The following RHOA variants were observed in gnomAD, a reference collection of about 807,000 sequenced individuals.
The protein encoded by RHOA is ras homolog family member A, also known as transforming protein RhoA.
In RHOA, 3 loss-of-function variants were observed where a neutral mutation model predicts 17.5. That is an observed-to-expected ratio of 0.17 (90% CI 0.08 to 0.44). RHOA has a LOEUF of 0.44. Ranked by LOEUF, RHOA falls within the 20% of genes least tolerant of loss-of-function variation. The pLI is 0.99. For synonymous variants in RHOA, 98 were observed against 88.4 expected (o/e 1.11, Z -0.61); for missense variants, 56 against 242.3 (o/e 0.23, Z 5.10).
intron 1 of RHOA, among the ~76,000 whole-genome samples, chr3:49,402,532 G>A: frequency 6.6e-6 from 1 of 151,750 alleles, no homozygotes; most frequent in Non-Finnish European, 1.5e-5. Flanking sequence ...TAATTAACTA[G>A]GTATGGTGGT....
intron 1 of RHOA, among the ~76,000 whole-genome samples, chr3:49,408,252 ATATATATACGTATACACG>A (rs1375687585): frequency 9.2e-5 from 12 of 131,102 alleles, no homozygotes; most frequent in East Asian, 8.7e-4. Flanking sequence ...ATATGTACAC[ATATATATACGTATACACG>A]TATATACGTA....
chr3:49,381,057 TAAG>T (rs1371706857), intron 1 of RHOA, among the ~76,000 whole-genome samples: 2 of 151,282 alleles, frequency 1.3e-5, no homozygotes, highest in African/African-American at 4.9e-5. Flanking sequence ...GAAAGCACAA[TAAG>T]AAGCATATCG....
chr3:49,394,301 G>C (rs1259625231), intron 1 of RHOA, among the ~76,000 whole-genome samples: 3 of 152,086 alleles, frequency 2.0e-5, no homozygotes, highest in Admixed American at 6.6e-5. Context: ...ACTGCATCCA[G>C]CTCCTTGTCT....
intron 1 of RHOA, among the ~76,000 whole-genome samples, chr3:49,393,533 AGCGATCTACCT>A (rs1451962941): frequency 3.1e-4 from 47 of 151,404 alleles, no homozygotes; most frequent in African/African-American, 1.1e-3. Flanking sequence ...CCTGGGATCA[AGCGATCTACCT>A]GCCTTGGCCT....
rs970978936 is a variant in RHOA at position 49,367,253 on chromosome 3, G to A, written c.277+1175C>T. Among the ~76,000 whole-genome samples, 5 of 146,016 alleles carry A rather than the reference G, an allele frequency of 3.4e-5. No homozygotes were observed. In the South Asian group the frequency reaches 9.0e-4, roughly 26 times the overall value. ...AGCTACTTGGGTGGCTGAGGCAGGA[G>A]AATGGCATCAACCCAGGAGGCAGAG... On this transcript the variant is annotated intron_variant, in intron 3 of 4. Coordinates refer to ENST00000418115, the MANE Select transcript of RHOA (RefSeq NM_001664.4).
chr3:49,390,064 G>C (rs2048470516), intron 1 of RHOA, among the ~76,000 whole-genome samples: 1 of 151,840 alleles, frequency 6.6e-6, no homozygotes, highest in South Asian at 2.1e-4. Context: ...CTCCTTTATT[G>C]GCGGGTCCCC....
intron 4 of RHOA, among the ~76,000 whole-genome samples, chr3:49,361,900 A>G (rs915496954): frequency 4.0e-5 from 6 of 148,618 alleles, no homozygotes; most frequent in Non-Finnish European, 8.9e-5. Flanking sequence ...TAAAGAGTCT[A>G]ACAGAGGCCA....
At chr3:49,388,677 T>C (rs1308818855) in intron 1 of RHOA, among the ~76,000 whole-genome samples, 1 of 152,228 alleles carries the variant, frequency 6.6e-6, no homozygotes, top group African/African-American at 2.4e-5. Flanking sequence ...GACAACTTCC[T>C]GAAGGCCTTC....
chr3:49,364,843 A>C (rs2048028744), intron 3 of RHOA, among the ~76,000 whole-genome samples: 1 of 151,600 alleles, frequency 6.6e-6, no homozygotes, highest in Non-Finnish European at 1.5e-5. Context: ...ATGGTGGTGC[A>C]TGCCTGTAAT....
At chr3:49,403,516 A>G (rs1228489076) in intron 1 of RHOA, among the ~76,000 whole-genome samples, 1 of 151,744 alleles carries the variant, frequency 6.6e-6, no homozygotes, top group Non-Finnish European at 1.5e-5. Flanking sequence ...GGAGTTCAAG[A>G]CCAGTCTGAG....
At chr3:49,387,034 T>C (rs559226010) in intron 1 of RHOA, among the ~76,000 whole-genome samples, 2 of 137,900 alleles carry the variant, frequency 1.5e-5, no homozygotes, top group South Asian at 2.3e-4. Flanking sequence ...GGAGAACCGC[T>C]TGAACCTGGG....
intron 3 of RHOA, among the ~76,000 whole-genome samples, chr3:49,363,199 A>ACC (rs1418239301): frequency 1.3e-5 from 2 of 151,736 alleles, no homozygotes; most frequent in East Asian, 2.0e-4. Context: ...TGGGCGGATC[A>ACC]TGAGGTCAGG....
At chr3:49,399,447 C>T (rs2048682937) in intron 1 of RHOA, among the ~76,000 whole-genome samples, 1 of 151,900 alleles carries the variant, frequency 6.6e-6, no homozygotes, top group African/African-American at 2.4e-5. Context: ...CCAAATATGT[C>T]ATATGCTATC....
At chr3:49,406,374 T>C (rs1215346241) in intron 1 of RHOA, among the ~76,000 whole-genome samples, 3 of 152,332 alleles carry the variant, frequency 2.0e-5, no homozygotes, top group Admixed American at 6.5e-5. Flanking sequence ...TAAAAATGTA[T>C]ACATAACAAA....
rs2048879699 is a variant in RHOA at position 49,408,667 on chromosome 3, T to TATAC, written c.-3+3152_-3+3153insGTAT. Among the ~76,000 whole-genome samples the TATAC allele has an allele frequency of 2.6e-5, 4 of 152,102 alleles. No individual in the cohort carries two copies. The South Asian group carries it at 6.2e-4, about 24-fold the overall frequency. The stretch of plus-strand genomic sequence containing the variant: ...GCATGTCCCCAAAGAGCCCCATGTA[T>TATAC]AGCAAGGCATGTAACATTAAGTTCA... On this transcript the variant is annotated intron_variant, in intron 1 of 4. Transcript: ENST00000418115.
chr3:49,398,193 T>C (rs1296932468), intron 1 of RHOA, among the ~76,000 whole-genome samples: 1 of 132,370 alleles, frequency 7.6e-6, no homozygotes, highest in African/African-American at 2.8e-5. Context: ...AAACCCCATC[T>C]CTACTAAAGT....
At chr3:49,387,215 C>T (rs1369528729) in intron 1 of RHOA, among the ~76,000 whole-genome samples, 7 of 124,766 alleles carry the variant, frequency 5.6e-5, no homozygotes, top group Admixed American at 9.0e-5. Flanking sequence ...GAGGCCGAGG[C>T]GGGCGGATCA....
intron 3 of RHOA, among the ~76,000 whole-genome samples, chr3:49,364,855 C>A (rs1470335318): frequency 1.3e-5 from 2 of 151,592 alleles, no homozygotes; most frequent in African/African-American, 2.4e-5. Flanking sequence ...GCCTGTAATC[C>A]CAGCTACTTG....
intron 1 of RHOA, among the ~76,000 whole-genome samples, chr3:49,409,620 T>C (rs1023465768): frequency 1.3e-5 from 2 of 152,078 alleles, no homozygotes; most frequent in African/African-American, 4.8e-5. Context: ...AGACGCAAAC[T>C]AGCACCTTCT....
Sources: gnomAD v4.1 joint callset for allele counts (sites outside exome capture counted in the v4.1 genomes callset) on GRCh38, gnomAD v4.1.1 for gene constraint, MANE v1.5 for transcripts, NCBI Gene and HGNC (gene_info 2026-07-23, HGNC 2026-07-21) for gene names.